PM20D2: variants seen among roughly 807,000 people sequenced by gnomAD.
The protein encoded by PM20D2 is xaa-Arg dipeptidase.
In PM20D2, 33 loss-of-function variants were observed where a neutral mutation model predicts 42.9. That is an observed-to-expected ratio of 0.77 (90% CI 0.58 to 1.03). The LOEUF (loss-of-function observed/expected upper bound fraction) is 1.03. Among genes scored for constraint, PM20D2 ranks in the 50% least tolerant of loss-of-function variants. The pLI, the probability that PM20D2 is intolerant of heterozygous loss-of-function variation, is 0.00. For missense variants in PM20D2, 548 were observed against 557.0 expected, an observed-to-expected ratio of 0.98 and a Z score of 0.16; for synonymous variants, 250 against 228.2, an observed-to-expected ratio of 1.10 and a Z score of -0.86.
At chr6:89,145,024 C>T (rs746940665), upstream of PM20D2, among the ~76,000 whole-genome samples, 89 of 152,266 alleles carry the variant, frequency 5.8e-4, no homozygotes, top group Non-Finnish European at 1.1e-3. Flanking sequence ...TCAAAATATT[C>T]ATTTGGTTTA....
chr6:89,100,883 TC>T, the PM20D2 span, among the ~76,000 whole-genome samples: 5 of 151,874 alleles, frequency 3.3e-5, no homozygotes, highest in Non-Finnish European at 5.9e-5. Context: ...GGCGAGTGGA[TC>T]ACCTGAGGTC....
chr6:89,143,746 C>T (rs1221990613), upstream of PM20D2, among the ~76,000 whole-genome samples: 1 of 152,092 alleles, frequency 6.6e-6, no homozygotes, highest in East Asian at 1.9e-4. Flanking sequence ...TATGAGCTGA[C>T]CAGATTCTAG....
chr6:89,146,466 C>T lies in PM20D2; in HGVS notation c.322C>T (p.Leu108=). ...GAGCGCCACGCCACGCCCGCTGCAC[C>T]TGGGCTTCCTCTGCGAGTACGACGC... The part of the protein sequence containing the change: ...APSATPRPLH[L]GFLCEYDALP... The change falls in exon 1 of 7, where the codon CTG becomes TTG. Residue 108 remains leucine, a synonymous_variant. Coordinates refer to ENST00000275072, the MANE Select transcript of PM20D2 (RefSeq NM_001010853.3). 1.3e-6 allele frequency: 2 copies of T among 1,524,002 alleles called. No homozygotes were observed. Among genetic ancestry groups the T allele is most frequent in the Non-Finnish European group, 1.7e-6 (2 of 1,143,054 alleles). The allele number at this position is 1,524,002 out of a possible 1,614,324, so 94.4% of individuals were successfully genotyped here. A position where few individuals can be genotyped will look rare whatever the true frequency, so the allele number is the denominator to read the frequency against.
chr6:89,120,802 G>A, the PM20D2 span, among the ~76,000 whole-genome samples: 1 of 152,324 alleles, frequency 6.6e-6, no homozygotes, highest in Admixed American at 6.5e-5. Flanking sequence ...GAGCCCAGGA[G>A]TTGGAGGCTG....
At chr6:89,156,106 G>C (rs536868768) in intron 4 of PM20D2, among the ~76,000 whole-genome samples, 1 of 151,894 alleles carries the variant, frequency 6.6e-6, no homozygotes, top group East Asian at 1.9e-4. Context: ...GGCTGGTCTC[G>C]AACTCCTGAC....
At position 89,164,739 on chromosome 6, in the gene PM20D2, G is replaced by T. The variant is rs1395690531; in HGVS notation, c.*2476G>T. ...AAGAAAACAAGACAAAATGTCTATG[G>T]TAGGGAATAAAAGAGTTTAAGATAT... On this transcript the variant is annotated 3_prime_UTR_variant, in exon 7 of 7. Coordinates refer to ENST00000275072, the MANE Select transcript of PM20D2 (RefSeq NM_001010853.3). 2 of 152,260 alleles carry T rather than the reference G, an allele frequency of 1.3e-5. No homozygotes were observed. Among genetic ancestry groups the T allele is most frequent in the African/African-American group, 4.8e-5 (2 of 41,348 alleles). 9.4% of individuals were successfully genotyped at this position (152,260 alleles called of 1,614,324 possible). A position where few individuals can be genotyped will look rare whatever the true frequency, so the allele number is the denominator to read the frequency against.
the PM20D2 span, among the ~76,000 whole-genome samples, chr6:89,139,493 C>T: frequency 3.3e-5 from 5 of 152,172 alleles, no homozygotes; most frequent in Non-Finnish European, 5.9e-5. Flanking sequence ...GGATTATAGG[C>T]GAGAGCCACC....
the PM20D2 span, among the ~76,000 whole-genome samples, chr6:89,134,196 G>A: frequency 6.6e-6 from 1 of 151,068 alleles, no homozygotes; most frequent in Non-Finnish European, 1.5e-5. Flanking sequence ...AATTAACCTA[G>A]TTGCCCCCAC....
intron 2 of PM20D2, 85 bp downstream of exon 2, chr6:89,149,498 A>G: frequency 6.9e-7 from 1 of 1,439,546 alleles, no homozygotes; most frequent in Non-Finnish European, 9.4e-7. Context: ...CGAAAACTCC[A>G]CATTTGTATA....
the PM20D2 span, among the ~76,000 whole-genome samples, chr6:89,103,897 C>G: frequency 6.6e-6 from 1 of 151,764 alleles, no homozygotes. Flanking sequence ...TACTGCCATA[C>G]TTGGAATTTA....
At chr6:89,142,577 A>AT (rs975553131), upstream of PM20D2, among the ~76,000 whole-genome samples, 5 of 152,044 alleles carry the variant, frequency 3.3e-5, no homozygotes, top group South Asian at 4.1e-4. Context: ...TATAAGTTTG[A>AT]TTTTTTTGGT....
the PM20D2 span, among the ~76,000 whole-genome samples, chr6:89,131,001 CCTATTTCTTACAGTTCTGGAAG>C: frequency 6.6e-6 from 1 of 151,530 alleles, no homozygotes; most frequent in Non-Finnish European, 1.5e-5. Context: ...CTATGCCTGG[CCTATTTCTTACAGTTCTGGAAG>C]CTGAAAAGTT....
chr6:89,146,054 C>T, upstream of PM20D2: 2 of 1,171,248 alleles, frequency 1.7e-6, no homozygotes, highest in South Asian at 4.3e-5. Flanking sequence ...CCGCCGGGGT[C>T]CTGGAGGCCT....
upstream of PM20D2, among the ~76,000 whole-genome samples, chr6:89,142,721 G>C (rs557810609): frequency 6.6e-6 from 1 of 151,908 alleles, no homozygotes; most frequent in Admixed American, 6.6e-5. Flanking sequence ...GCAGTGACGC[G>C]ATCTCGGCTC....
chr6:89,116,256 T>C, the PM20D2 span, among the ~76,000 whole-genome samples: 1 of 152,266 alleles, frequency 6.6e-6, no homozygotes, highest in Non-Finnish European at 1.5e-5. Context: ...CTGATTTTTC[T>C]ACAGACACCC....
chr6:89,155,357 C>T (rs932113004), intron 4 of PM20D2, among the ~76,000 whole-genome samples: 1 of 146,896 alleles, frequency 6.8e-6, no homozygotes, highest in Admixed American at 6.8e-5. Flanking sequence ...TCACTACAAC[C>T]TCCGCCTTCC....
the PM20D2 span, among the ~76,000 whole-genome samples, chr6:89,122,134 T>C: frequency 6.6e-6 from 1 of 152,228 alleles, no homozygotes; most frequent in African/African-American, 2.4e-5. Flanking sequence ...AAATTGCTGA[T>C]ATGACAATAA....
At chr6:89,123,851 CATATG>C in the PM20D2 span, among the ~76,000 whole-genome samples, 5 of 150,880 alleles carry the variant, frequency 3.3e-5, no homozygotes, top group Non-Finnish European at 7.4e-5. Flanking sequence ...GTCTGGGCAA[CATATG>C]ATAACTCATC....
chr6:89,157,528 TTC>T (rs1180252756), intron 4 of PM20D2, among the ~76,000 whole-genome samples: 2 of 152,208 alleles, frequency 1.3e-5, no homozygotes, highest in Non-Finnish European at 2.9e-5. Context: ...ATTGCAAATC[TTC>T]TACATTTCCC....
Sources: allele counts gnomAD v4.1 joint callset (sites outside exome capture counted in the v4.1 genomes callset), GRCh38; gene constraint gnomAD v4.1.1; transcripts MANE v1.5; gene names NCBI Gene and HGNC (gene_info 2026-07-23, HGNC 2026-07-21).